Variants in LRBA observed in about 807,000 individuals in gnomAD.
The protein encoded by LRBA is LPS responsive beige-like anchor protein, also known as lipopolysaccharide-responsive and beige-like anchor protein.
LRBA carries 176 observed loss-of-function variants against 330.0 expected under a neutral mutation model. The observed-to-expected ratio is 0.53, with a 90% CI of 0.47 to 0.60. The LOEUF is 0.60. Among genes scored for constraint, LRBA ranks in the 20% least tolerant of loss-of-function variants. LRBA has a pLI of 0.00. For missense variants in LRBA, 3,259 were observed against 3,444.8 expected, an observed-to-expected ratio of 0.95 and a Z score of 1.35; for synonymous variants, 1,230 against 1,193.0, an observed-to-expected ratio of 1.03 and a Z score of -0.64.
At chr4:150,646,893 A>G (rs1290622009) in intron 37 of LRBA, among the ~76,000 whole-genome samples, 1 of 152,136 alleles carries the variant, frequency 6.6e-6, no homozygotes, top group Non-Finnish European at 1.5e-5. Context: ...TAATACAAAT[A>G]TTCCAAAATA....
At chr4:150,654,747 T>A (rs971634382) in intron 37 of LRBA, among the ~76,000 whole-genome samples, 1 of 152,160 alleles carries the variant, frequency 6.6e-6, no homozygotes, top group Admixed American at 6.5e-5. Flanking sequence ...CCTGTGTCCA[T>A]GTGTTCTCAT....
intron 2 of LRBA, among the ~76,000 whole-genome samples, chr4:150,945,665 T>C (rs1315218631): frequency 1.3e-5 from 2 of 152,186 alleles, no homozygotes; most frequent in African/African-American, 2.4e-5. Flanking sequence ...ATATAATCAG[T>C]ATGACAATGT....
intron 36 of LRBA, among the ~76,000 whole-genome samples, chr4:150,718,447 A>G (rs1185076474): frequency 6.6e-6 from 1 of 151,158 alleles, no homozygotes. Flanking sequence ...GATAACCTCT[A>G]AGATATAAGC....
At chr4:150,437,049 A>G (rs1054623531) in intron 44 of LRBA, among the ~76,000 whole-genome samples, 185 bp from the exon 45 acceptor site, 1 of 152,176 alleles carries the variant, frequency 6.6e-6, no homozygotes, top group African/African-American at 2.4e-5. Flanking sequence ...GTTAAACACA[A>G]CATATAAGTA....
chr4:150,273,167 T>G (rs983901792), intron 56 of LRBA, among the ~76,000 whole-genome samples: 4 of 152,140 alleles, frequency 2.6e-5, no homozygotes, highest in African/African-American at 9.7e-5. Context: ...CAACATTCTC[T>G]AAGAAAATAA....
chr4:150,404,831 GGAT>G (rs1406706424), intron 47 of LRBA, among the ~76,000 whole-genome samples: 2 of 152,154 alleles, frequency 1.3e-5, no homozygotes, highest in African/African-American at 4.8e-5. Context: ...TTTCTACCAT[GGAT>G]GTAGCATATA....
At chr4:150,970,148 T>A (rs1739363854) in intron 2 of LRBA, among the ~76,000 whole-genome samples, 1 of 152,058 alleles carries the variant, frequency 6.6e-6, no homozygotes, top group Non-Finnish European at 1.5e-5. Context: ...CAATAAAGCA[T>A]TTTTTTAATG....
At chr4:150,296,329 T>G (rs955512393) in intron 53 of LRBA, among the ~76,000 whole-genome samples, 1 of 152,134 alleles carries the variant, frequency 6.6e-6, no homozygotes, top group Non-Finnish European at 1.5e-5. Context: ...GAATGAAAGC[T>G]TAAAAAGCTC....
chr4:150,501,398 G>A (rs548158379), intron 40 of LRBA, among the ~76,000 whole-genome samples: 1 of 152,258 alleles, frequency 6.6e-6, no homozygotes, highest in South Asian at 2.1e-4. Flanking sequence ...AATCACTTGA[G>A]CTCAGGAGTT....
chr4:150,346,331 G>A (rs1193431891), intron 48 of LRBA, among the ~76,000 whole-genome samples: 1 of 151,940 alleles, frequency 6.6e-6, no homozygotes, highest in Non-Finnish European at 1.5e-5. Flanking sequence ...AAGGTGTGAT[G>A]TGTGGAAGAC....
intron 36 of LRBA, among the ~76,000 whole-genome samples, chr4:150,732,646 T>A (rs908177543): frequency 1.1e-4 from 16 of 152,038 alleles, no homozygotes; most frequent in Non-Finnish European, 2.1e-4. Flanking sequence ...TAAGAATTAT[T>A]AGTACAGTGA....
At chr4:150,593,484 C>T (rs984430504) in intron 38 of LRBA, among the ~76,000 whole-genome samples, 12 of 152,104 alleles carry the variant, frequency 7.9e-5, no homozygotes, top group Non-Finnish European at 1.6e-4. Flanking sequence ...ACAGGCAGCA[C>T]GGTGCCAGAA....
At chr4:150,477,264 C>T (rs1009808603) in intron 42 of LRBA, among the ~76,000 whole-genome samples, 1 of 151,982 alleles carries the variant, frequency 6.6e-6, no homozygotes, top group African/African-American at 2.4e-5. Flanking sequence ...GTGTCCCCAC[C>T]CAAATATCAT....
chr4:150,833,728 G>A (rs890759303), intron 28 of LRBA, among the ~76,000 whole-genome samples: 4 of 152,162 alleles, frequency 2.6e-5, no homozygotes, highest in Non-Finnish European at 5.9e-5. Flanking sequence ...ATGGGTGAGG[G>A]TGGTAACTGT....
chr4:151,007,784 G>C (rs575387147), intron 2 of LRBA, among the ~76,000 whole-genome samples: 41 of 149,420 alleles, frequency 2.7e-4, no homozygotes, highest in Non-Finnish European at 5.5e-4. Flanking sequence ...ATGAACCAAA[G>C]AGGCGGAGCT....
chr4:150,824,372 A>G lies in LRBA; in HGVS notation c.5171+3808T>C, dbSNP rs137947853. 1.4e-4 allele frequency among the ~76,000 whole-genome samples: 22 copies of G among 152,240 alleles called. No homozygotes were observed. In the East Asian group the frequency reaches 4.2e-3, roughly 29 times the overall value. ...TACAAGATCATATCATCTGCAAACA[A>G]CTGACATCTTCCTTTCCAATTTAAA... On this transcript the variant is annotated intron_variant, in intron 30 of 56. Transcript: ENST00000651943.
chr4:150,965,734 G>T (rs1738808575), intron 2 of LRBA, among the ~76,000 whole-genome samples: 1 of 151,460 alleles, frequency 6.6e-6, no homozygotes, highest in South Asian at 2.1e-4. Flanking sequence ...AATACAGATG[G>T]GGTTTCACCA....
intron 37 of LRBA, among the ~76,000 whole-genome samples, chr4:150,601,277 TAA>T (rs760355686): frequency 4.6e-5 from 7 of 152,260 alleles, no homozygotes; most frequent in East Asian, 1.9e-4. Context: ...ATTAAAATTA[TAA>T]GAGATGTTAA....
At chr4:150,972,133 C>T (rs1739648812) in intron 2 of LRBA, among the ~76,000 whole-genome samples, 1 of 152,090 alleles carries the variant, frequency 6.6e-6, no homozygotes, top group South Asian at 2.1e-4. Flanking sequence ...TAAAACCAGC[C>T]TTTGCAAGAG....
Sources: allele counts gnomAD v4.1 joint callset (sites outside exome capture counted in the v4.1 genomes callset), GRCh38; gene constraint gnomAD v4.1.1; transcripts MANE v1.5; gene names NCBI Gene and HGNC (gene_info 2026-07-23, HGNC 2026-07-21).